Variants in PRDM1 observed in about 807,000 individuals in gnomAD.
PRDM1 encodes the protein PR domain zinc finger protein 1.
Under a neutral mutation model 62.8 loss-of-function variants are expected in PRDM1, and 13 were observed. The ratio of observed to expected loss-of-function variants is 0.21; its 90% CI spans 0.13 to 0.33. The LOEUF is 0.33. Ranked by LOEUF, PRDM1 falls within the 10% of genes least tolerant of loss-of-function variation. The probability of loss-of-function intolerance (pLI) is 1.00; values close to 1 mark genes in which losing one functional copy is unlikely to be tolerated. For synonymous variants in PRDM1, 396 were observed against 417.6 expected (o/e 0.95, Z 0.63); for missense variants, 895 against 1,058.8 (o/e 0.85, Z 2.15).
chr6:106,051,126 T>G (rs1182467205), intron 1 of PRDM1, among the ~76,000 whole-genome samples: 1 of 152,238 alleles, frequency 6.6e-6, no homozygotes, highest in Non-Finnish European at 1.5e-5. Context: ...TTTGTGTATT[T>G]TTTTCATTCA....
At chr6:106,090,879 C>T (rs1414344318) in intron 2 of PRDM1, among the ~76,000 whole-genome samples, 5 of 148,898 alleles carry the variant, frequency 3.4e-5, no homozygotes, top group African/African-American at 1.2e-4. Flanking sequence ...TGTGTCAGCA[C>T]CTTTTTTTTT....
chr6:106,055,147 C>G (rs77611372), intron 1 of PRDM1, among the ~76,000 whole-genome samples: 1,957 of 152,272 alleles, frequency 0.013, 15 homozygotes, highest in Non-Finnish European at 0.019. Flanking sequence ...CGAAGCATGA[C>G]TAGTTAAAAA....
At chr6:106,016,762 C>T (rs763619785) in intron 1 of PRDM1, among the ~76,000 whole-genome samples, 3 of 151,366 alleles carry the variant, frequency 2.0e-5, no homozygotes, top group Non-Finnish European at 4.4e-5. Context: ...GATTCTCCTG[C>T]CTCAGCCCCC....
rs551571224 is a variant in PRDM1, at chr6:106,027,506, A to G, written c.-67+33867A>G. ...TGTGATCAGTCTGAATACCTACACC[A>G]AAGCCCTAATGGGAGGGCGGACTTC... On this transcript the variant is annotated intron_variant, in intron 1 of 6. Transcript: ENST00000652320. Among the ~76,000 whole-genome samples the G allele has an allele frequency of 3.3e-5, 5 of 152,280 alleles. No homozygotes were observed. In the South Asian group the frequency reaches 1.0e-3, roughly 32 times the overall value.
Position 106,088,395 on chromosome 6 carries a change from G to A in PRDM1, c.237G>A (p.Ala79=), listed in dbSNP as rs1456011489. 12 of 1,614,116 alleles carry A rather than the reference G, an allele frequency of 7.4e-6. No individual in the cohort carries two copies. Among genetic ancestry groups the A allele is most frequent in the East Asian group, 6.7e-5 (3 of 44,878 alleles). ...CTGATGGCGGTACTTCGGTTCAGGC[G>A]GAGGCATCCTTACCAAGGAATCTGC... The part of the protein sequence containing the change: ...SGADGGTSVQ[A]EASLPRNLLF... Residue 79 remains alanine (A), a synonymous_variant, in exon 2 of 7, where the codon GCG becomes GCA. Coordinates refer to ENST00000369096, the MANE Select transcript of PRDM1 (RefSeq NM_001198.4).
intron 2 of PRDM1, among the ~76,000 whole-genome samples, chr6:106,093,169 T>C (rs1254609199): frequency 6.6e-6 from 1 of 152,196 alleles, no homozygotes; most frequent in Non-Finnish European, 1.5e-5. Context: ...AGCTTACTAG[T>C]GATGAGTCTA....
rs75307054 is a variant in PRDM1 at position 106,037,344 on chromosome 6, A to G, written c.-67+43705A>G. 8.1e-4 allele frequency among the ~76,000 whole-genome samples: 124 copies of G among 152,290 alleles called. 1 individual carries two copies. In the East Asian group the frequency reaches 0.02, roughly 25 times the overall value. On this transcript the variant is annotated intron_variant, in intron 1 of 6. Coordinates refer to the PRDM1 transcript ENST00000652320. ...TGTCTTGGTGTGGATTTCTGAATTC[A>G]TTATACTTGAAGTTCACTGAATTTC...
intron 1 of PRDM1, among the ~76,000 whole-genome samples, chr6:106,040,492 C>T (rs1347077402): frequency 6.6e-6 from 1 of 152,176 alleles, no homozygotes; most frequent in Non-Finnish European, 1.5e-5. Flanking sequence ...ATACTGTCCT[C>T]CTAGTTTCTG....
chr6:106,086,912 A>G (rs1436850313), intron 1 of PRDM1, among the ~76,000 whole-genome samples: 1 of 152,088 alleles, frequency 6.6e-6, no homozygotes, highest in African/African-American at 2.4e-5. Flanking sequence ...TCATGACTCT[A>G]CATGTTGGAA....
chr6:106,078,056 G>C (rs1408018405), intron 1 of PRDM1, among the ~76,000 whole-genome samples: 1 of 152,136 alleles, frequency 6.6e-6, no homozygotes, highest in African/African-American at 2.4e-5. Flanking sequence ...CCATCTTTCA[G>C]CTTGTTCTCC....
intron 1 of PRDM1, among the ~76,000 whole-genome samples, chr6:106,054,838 C>T (rs1773238188): frequency 6.6e-6 from 1 of 152,124 alleles, no homozygotes; most frequent in South Asian, 2.1e-4. Context: ...TTTCTTTGAT[C>T]TTTATGAGAA....
intron 1 of PRDM1, among the ~76,000 whole-genome samples, chr6:106,077,853 TA>T: frequency 6.6e-6 from 1 of 152,350 alleles, no homozygotes; most frequent in Non-Finnish European, 1.5e-5. Flanking sequence ...TTGATTTGTT[TA>T]AATATCTTCT....
chr6:106,016,396 T>C lies in PRDM1; in HGVS notation c.-67+22757T>C, dbSNP rs542343349. On this transcript the variant is annotated intron_variant, in intron 1 of 6. Transcript: ENST00000652320. ...TATTATTTACATTTATCTTTCCTTC[T>C]AGCCTGGGAACTTGACTTGAGAGTA... Among the ~76,000 whole-genome samples the C allele has an allele frequency of 1.1e-4, 16 of 152,286 alleles. No individual in the cohort carries two copies. The East Asian group carries it at 3.1e-3, about 29-fold the overall frequency.
chr6:106,006,746 G>C (rs1396075822), intron 1 of PRDM1, among the ~76,000 whole-genome samples: 2 of 151,862 alleles, frequency 1.3e-5, no homozygotes, highest in African/African-American at 4.8e-5. Flanking sequence ...GCTCCACTCA[G>C]GCATGGTGCT....
chr6:106,094,906 AACACACAC>A (rs3833460), intron 2 of PRDM1, among the ~76,000 whole-genome samples: 9 of 88,762 alleles, frequency 1.0e-4, no homozygotes, highest in Non-Finnish European at 2.4e-4. Context: ...TTGTCTTTAA[AACACACAC>A]ACACACACAC....
At chr6:106,011,547 A>G (rs774878276) in intron 1 of PRDM1, among the ~76,000 whole-genome samples, 1 of 152,012 alleles carries the variant, frequency 6.6e-6, no homozygotes, top group East Asian at 1.9e-4. Context: ...AGCGGAGTAC[A>G]CTATACCCTC....
chr6:106,016,593 T>C (rs543911716), intron 1 of PRDM1, among the ~76,000 whole-genome samples: 84 of 151,700 alleles, frequency 5.5e-4, no homozygotes, highest in Non-Finnish European at 1.0e-3. Context: ...AGTTTATTCT[T>C]GAACAAGGGT....
At chr6:106,039,377 T>C (rs1365740185) in intron 1 of PRDM1, among the ~76,000 whole-genome samples, 1 of 152,228 alleles carries the variant, frequency 6.6e-6, no homozygotes. Flanking sequence ...AAGGCTGCCT[T>C]AAGTTTATTT....
intron 1 of PRDM1, among the ~76,000 whole-genome samples, chr6:106,005,441 A>G (rs574213787): frequency 7.0e-4 from 107 of 152,368 alleles, no homozygotes; most frequent in African/African-American, 2.5e-3. Flanking sequence ...TTTCAAGAGA[A>G]CTTATTTTGT....
Sources: allele counts gnomAD v4.1 joint callset (sites outside exome capture counted in the v4.1 genomes callset), GRCh38; gene constraint gnomAD v4.1.1; transcripts MANE v1.5; gene names NCBI Gene and HGNC (gene_info 2026-07-23, HGNC 2026-07-21).